Variants in DLC1 observed in about 807,000 individuals in gnomAD.
DLC1 encodes DLC1 Rho GTPase activating protein.
DLC1 carries 54 observed loss-of-function variants against 140.3 expected under a neutral mutation model. The ratio of observed to expected loss-of-function variants is 0.38; its 90% CI spans 0.31 to 0.48. DLC1 has a LOEUF of 0.48. Among genes scored for constraint, DLC1 ranks in the 20% least tolerant of loss-of-function variants. The probability of loss-of-function intolerance (pLI) is 0.96; values close to 1 mark genes in which losing one functional copy is unlikely to be tolerated. For synonymous variants in DLC1, 986 were observed against 728.1 expected, an observed-to-expected ratio of 1.35 and a Z score of -5.70; for missense variants, 2,536 against 1,907.0, an observed-to-expected ratio of 1.33 and a Z score of -6.14.
intron 5 of DLC1, among the ~76,000 whole-genome samples, chr8:13,134,754 C>G (rs1380365896): frequency 6.6e-6 from 1 of 152,024 alleles, no homozygotes; most frequent in Non-Finnish European, 1.5e-5. Context: ...ATCCCGGGAG[C>G]TTGAGACCAG....
intron 2 of DLC1, among the ~76,000 whole-genome samples, chr8:13,495,348 G>A (rs1801453386): frequency 6.6e-6 from 1 of 152,030 alleles, no homozygotes; most frequent in African/African-American, 2.4e-5. Flanking sequence ...CCACTTCTTA[G>A]ACTGTCTCCC....
intron 1 of DLC1, among the ~76,000 whole-genome samples, chr8:13,532,682 T>C (rs1803139399): frequency 6.6e-6 from 1 of 152,164 alleles, no homozygotes; most frequent in South Asian, 2.1e-4. Context: ...TCTTGAACTC[T>C]TGGGCTCAAG....
chr8:13,216,254 T>A (rs1242213407), intron 5 of DLC1, among the ~76,000 whole-genome samples: 1 of 152,218 alleles, frequency 6.6e-6, no homozygotes, highest in African/African-American at 2.4e-5. Context: ...CATTTGATAC[T>A]CAAAACTTAG....
At chr8:13,221,095 G>A (rs1464629688) in intron 5 of DLC1, among the ~76,000 whole-genome samples, 1 of 152,164 alleles carries the variant, frequency 6.6e-6, no homozygotes, top group African/African-American at 2.4e-5. Context: ...TCAGTTTTTA[G>A]CCACTTTCAA....
intron 5 of DLC1, among the ~76,000 whole-genome samples, chr8:13,140,874 T>G (rs1822927800): frequency 6.6e-6 from 1 of 152,148 alleles, no homozygotes; most frequent in South Asian, 2.1e-4. Flanking sequence ...CATTTTATTA[T>G]GTACTCAAAA....
chr8:13,514,225 G>T (rs1445829012), intron 1 of DLC1, among the ~76,000 whole-genome samples: 1 of 152,154 alleles, frequency 6.6e-6, no homozygotes, highest in Non-Finnish European at 1.5e-5. Context: ...GCAAAGGAAG[G>T]TAGGGGAGGA....
chr8:13,293,488 G>C (rs1831838264), intron 5 of DLC1, among the ~76,000 whole-genome samples: 1 of 152,136 alleles, frequency 6.6e-6, no homozygotes, highest in Admixed American at 6.5e-5. Context: ...ATAGACCTGA[G>C]ATTAGCTGAA....
intron 1 of DLC1, chr8:13,567,269 T>A: frequency 6.4e-7 from 1 of 1,551,674 alleles, no homozygotes; most frequent in Non-Finnish European, 8.7e-7. Context: ...TACCTCAAGC[T>A]CAAAGACTCT....
rs57895263 is a variant in DLC1, at chr8:13,121,086, A to AT, written c.1349-5430dup. 5.7e-3 allele frequency among the ~76,000 whole-genome samples: 869 copies of AT among 152,260 alleles called. 3 individuals carry two copies. Among genetic ancestry groups the AT allele is most frequent in the Non-Finnish European group, 9.9e-3 (675 of 68,018 alleles). On this transcript the variant is annotated intron_variant, in intron 5 of 17. Coordinates refer to ENST00000276297, the MANE Select transcript of DLC1 (RefSeq NM_182643.3). Reference sequence around the variant, plus strand: ...GGCTTCGATGCAAATGGTACAGTGAATTTTTTTTAAAAATGCAATTTTAAG... The same window carrying AT: ...GGCTTCGATGCAAATGGTACAGTGAATTTTTTTTTAAAAATGCAATTTTAAG...
chr8:13,170,982 T>C (rs1825437121), intron 5 of DLC1, among the ~76,000 whole-genome samples: 1 of 152,190 alleles, frequency 6.6e-6, no homozygotes, highest in Non-Finnish European at 1.5e-5. Context: ...ACCAAAGCTC[T>C]GTGATTTAAG....
rs531687022 is a variant in DLC1 at position 13,529,102 on chromosome 8, G to A, written c.-125-28906C>T. On this transcript the variant is annotated intron_variant, in intron 1 of 1. Coordinates refer to the DLC1 transcript ENST00000631382. ...ACCAAAAAACATACGATGTATAAGC[G>A]AACAGAATAAGTGAATTAGAGGAAA... is the stretch of plus-strand genomic sequence containing the variant. 5.3e-5 allele frequency among the ~76,000 whole-genome samples: 8 copies of A among 152,078 alleles called. No homozygotes were observed. In the East Asian group the frequency reaches 9.6e-4, roughly 18 times the overall value.
chr8:13,145,635 A>G (rs34784787), intron 5 of DLC1, among the ~76,000 whole-genome samples: 52,681 of 151,990 alleles, frequency 0.35, 10,264 homozygotes, highest in East Asian at 0.54. Flanking sequence ...CCATCAACTG[A>G]AGAATAGATC....
At chr8:13,199,171 CTTTTTCTTTTTT>C (rs1684177150) in intron 5 of DLC1, among the ~76,000 whole-genome samples, 1 of 133,964 alleles carries the variant, frequency 7.5e-6, no homozygotes, top group African/African-American at 2.8e-5. Flanking sequence ...GTCTCCTTCT[CTTTTTCTTTTTT>C]TTTTTTTTTT....
chr8:13,424,717 C>T (rs1838477365), intron 2 of DLC1, among the ~76,000 whole-genome samples: 1 of 151,938 alleles, frequency 6.6e-6, no homozygotes, highest in South Asian at 2.1e-4. Context: ...GGACTACAGG[C>T]ACCCACCACC....
chr8:13,550,161 A>T (rs1358138873), intron 1 of DLC1, among the ~76,000 whole-genome samples: 1 of 152,042 alleles, frequency 6.6e-6, no homozygotes, highest in Non-Finnish European at 1.5e-5. Flanking sequence ...GAGGAACCTG[A>T]GGGGAGGTGA....
At chr8:13,383,559 T>C (rs1026973666) in intron 4 of DLC1, among the ~76,000 whole-genome samples, 8 of 152,210 alleles carry the variant, frequency 5.3e-5, no homozygotes, top group African/African-American at 1.7e-4. Flanking sequence ...CATTGTCACA[T>C]TGTGGTAACC....
chr8:13,283,991 A>G (rs75166426), intron 5 of DLC1, among the ~76,000 whole-genome samples: 2,905 of 152,268 alleles, frequency 0.019, 44 homozygotes, highest in Non-Finnish European at 0.03. Flanking sequence ...CTCGAAGGCT[A>G]GGGAAGAAAC....
intron 4 of DLC1, among the ~76,000 whole-genome samples, chr8:13,384,113 G>C (rs1836400263): frequency 6.6e-6 from 1 of 152,166 alleles, no homozygotes; most frequent in African/African-American, 2.4e-5. Context: ...AAGCCACTAA[G>C]TTTATAATTT....
chr8:13,547,368 C>T (rs1803687409), intron 1 of DLC1, among the ~76,000 whole-genome samples: 1 of 151,844 alleles, frequency 6.6e-6, no homozygotes, highest in South Asian at 2.1e-4. Flanking sequence ...GTAATGGACT[C>T]CAAACACAGA....
Sources: gnomAD v4.1 joint callset for allele counts (sites outside exome capture counted in the v4.1 genomes callset) on GRCh38, gnomAD v4.1.1 for gene constraint, MANE v1.5 for transcripts, NCBI Gene and HGNC (gene_info 2026-07-23, HGNC 2026-07-21) for gene names.